PMP22: variants seen among roughly 807,000 people sequenced by gnomAD.
The protein encoded by PMP22 is Charcot-Marie-Tooth neuropathy 1A (greatly reduced nerve conduction velocity, hereditary motor sensory neuropathy Ia).
Under a neutral mutation model 18.9 loss-of-function variants are expected in PMP22, and 2 were observed. The ratio of observed to expected loss-of-function variants is 0.11; its 90% confidence interval spans 0.04 to 0.33. The LOEUF (loss-of-function observed/expected upper bound fraction) is 0.33. PMP22 is among the 10% of genes least tolerant of loss of function. PMP22 has a pLI of 1.00. For missense variants in PMP22, 169 were observed against 202.2 expected (o/e 0.84, Z 1.00); for synonymous variants, 95 against 89.2 (o/e 1.07, Z -0.37).
intron 1 of PMP22, among the ~76,000 whole-genome samples, chr17:15,263,214 T>C (rs548238408): frequency 3.3e-5 from 5 of 152,284 alleles, no homozygotes; most frequent in African/African-American, 9.6e-5. Context: ...TGGTCTGGGA[T>C]TGGGCTCCTC....
intron 1 of PMP22, among the ~76,000 whole-genome samples, chr17:15,263,924 A>G (rs2150715186): frequency 6.6e-6 from 1 of 152,296 alleles, no homozygotes; most frequent in South Asian, 2.1e-4. Context: ...CTGGGCTCCA[A>G]CAAACCTAAT....
chr17:15,242,004 C>T (rs1011880300), intron 3 of PMP22, among the ~76,000 whole-genome samples: 3 of 152,078 alleles, frequency 2.0e-5, no homozygotes, highest in Non-Finnish European at 4.4e-5. Context: ...TTGATTAAGA[C>T]ATTTTGGGAG....
intron 3 of PMP22, among the ~76,000 whole-genome samples, chr17:15,246,019 C>CAAAA (rs58149809): frequency 1.5e-5 from 2 of 129,116 alleles, no homozygotes; most frequent in Non-Finnish European, 3.3e-5. Context: ...AGACTCGTCT[C>CAAAA]AAAAAAAAAA....
chr17:15,238,952 T>C (rs1166889709), intron 4 of PMP22, among the ~76,000 whole-genome samples: 1 of 152,184 alleles, frequency 6.6e-6, no homozygotes, highest in Non-Finnish European at 1.5e-5. Context: ...CAAAGCCCAG[T>C]AGAATCTAGG....
At chr17:15,250,422 G>T (rs1181307934) in intron 3 of PMP22, among the ~76,000 whole-genome samples, 1 of 152,052 alleles carries the variant, frequency 6.6e-6, no homozygotes, top group Non-Finnish European at 1.5e-5. Context: ...AATACCCTTC[G>T]GTATAGAGGA....
At chr17:15,252,131 A>C (rs1203118414) in intron 3 of PMP22, among the ~76,000 whole-genome samples, 1 of 152,142 alleles carries the variant, frequency 6.6e-6, no homozygotes, top group African/African-American at 2.4e-5. Context: ...ATGAACCCAT[A>C]AATGCAGAAG....
At chr17:15,256,985 C>T (rs972000879) in intron 3 of PMP22, among the ~76,000 whole-genome samples, 1 of 152,118 alleles carries the variant, frequency 6.6e-6, no homozygotes. Context: ...ACAAACCCAG[C>T]ATGTTCAGGT....
At chr17:15,259,302 C>A in intron 2 of PMP22, 109 bp from the exon 3 acceptor site, 1 of 819,312 alleles carries the variant, frequency 1.2e-6, no homozygotes, top group Non-Finnish European at 2.1e-6. Flanking sequence ...TCCACCTAGC[C>A]ACACCGCCCA....
intron 4 of PMP22, 158 bp downstream of exon 4, chr17:15,239,313 C>T (rs2150676203): frequency 2.5e-6 from 2 of 807,974 alleles, no homozygotes; most frequent in East Asian, 2.5e-5. Context: ...AGGTACACAC[C>T]CACACATACA....
chr17:15,236,182 A>G (rs1173570256), intron 4 of PMP22, among the ~76,000 whole-genome samples: 1 of 152,138 alleles, frequency 6.6e-6, no homozygotes, highest in Non-Finnish European at 1.5e-5. Context: ...ACCTAATGCA[A>G]TCAAGAAGAG....
rs374680385 is a variant in PMP22, at chr17:15,239,654, G to C, written c.179-43C>G. ...TTGGTTAGGAGAGCTGGCCATGGCC[G>C]GGGGAGGGCTCTGCCTCGAGGTGCA... is the stretch of plus-strand genomic sequence containing the variant. On this transcript the variant is annotated intron_variant, in intron 3 of 4. Transcript: ENST00000312280. 5 of 1,609,706 alleles carry C rather than the reference G, an allele frequency of 3.1e-6. No homozygotes were observed. In the East Asian group the frequency reaches 8.9e-5, roughly 29 times the overall value.
intron 1 of PMP22, among the ~76,000 whole-genome samples, 186 bp downstream of exon 1, chr17:15,264,968 A>T (rs748880155): frequency 6.6e-6 from 1 of 152,174 alleles, no homozygotes; most frequent in Non-Finnish European, 1.5e-5. Context: ...CCCCAGCCAG[A>T]GTATATATCC....
intron 3 of PMP22, among the ~76,000 whole-genome samples, chr17:15,243,991 C>G (rs943422011): frequency 6.6e-6 from 1 of 151,800 alleles, no homozygotes; most frequent in African/African-American, 2.4e-5. Flanking sequence ...AAAAATACAA[C>G]AGACAATACA....
intron 3 of PMP22, among the ~76,000 whole-genome samples, chr17:15,253,803 AG>A: frequency 6.6e-6 from 1 of 152,068 alleles, no homozygotes; most frequent in Non-Finnish European, 1.5e-5. Context: ...CCACTCCTCA[AG>A]GAGACCTTCC....
At chr17:15,255,432 G>A (rs1166154507) in intron 3 of PMP22, among the ~76,000 whole-genome samples, 3 of 152,040 alleles carry the variant, frequency 2.0e-5, no homozygotes, top group Non-Finnish European at 1.5e-5. Context: ...TGAGATGGCT[G>A]GAGCTCTAGC....
chr17:15,240,840 T>C (rs1463011830), intron 3 of PMP22, among the ~76,000 whole-genome samples: 1 of 152,166 alleles, frequency 6.6e-6, no homozygotes, highest in Non-Finnish European at 1.5e-5. Flanking sequence ...CTTCAATGCT[T>C]CACCCAGTAC....
At chr17:15,254,370 G>A (rs925884725) in intron 3 of PMP22, among the ~76,000 whole-genome samples, 14 of 152,174 alleles carry the variant, frequency 9.2e-5, no homozygotes, top group Admixed American at 3.3e-4. Context: ...ACCACAGGTG[G>A]GCAACAGGCA....
intron 3 of PMP22, among the ~76,000 whole-genome samples, chr17:15,256,422 T>C (rs1908830990): frequency 6.6e-6 from 1 of 152,084 alleles, no homozygotes; most frequent in African/African-American, 2.4e-5. Flanking sequence ...TGGGTGGATC[T>C]CCTGAGGTCA....
intron 3 of PMP22, among the ~76,000 whole-genome samples, chr17:15,243,039 C>T (rs940519278): frequency 6.6e-6 from 1 of 152,030 alleles, no homozygotes; most frequent in Admixed American, 6.6e-5. Context: ...CAAAGCAGTT[C>T]TCAGAGGACA....
Sources: allele counts gnomAD v4.1 joint callset (sites outside exome capture counted in the v4.1 genomes callset), GRCh38; gene constraint gnomAD v4.1.1; transcripts MANE v1.5; gene names NCBI Gene and HGNC (gene_info 2026-07-23, HGNC 2026-07-21).